The following FGF10 variants were observed in gnomAD, a reference collection of about 807,000 sequenced individuals.
The protein encoded by FGF10 is fibroblast growth factor 10, also known as FGF-10.
FGF10 carries 2 observed loss-of-function variants against 19.8 expected under a neutral mutation model. The ratio of observed to expected loss-of-function variants is 0.10; its 90% CI spans 0.04 to 0.32. FGF10 has a LOEUF of 0.32. FGF10 is among the 10% of genes least tolerant of loss of function. The pLI is 1.00. For missense variants in FGF10, 191 were observed against 246.3 expected, an observed-to-expected ratio of 0.78 and a Z score of 1.50; for synonymous variants, 112 against 94.0, an observed-to-expected ratio of 1.19 and a Z score of -1.10.
chr5:44,374,292 TA>T (rs1345054587), intron 1 of FGF10, among the ~76,000 whole-genome samples: 1 of 152,160 alleles, frequency 6.6e-6, no homozygotes, highest in African/African-American at 2.4e-5. Flanking sequence ...GTGATGGCAT[TA>T]AGGGCCTACC....
chr5:44,385,050 G>A (rs746986015), intron 1 of FGF10, among the ~76,000 whole-genome samples: 7 of 152,084 alleles, frequency 4.6e-5, no homozygotes, highest in Admixed American at 1.3e-4. Context: ...AACTAAAGCC[G>A]AGTGGTAAGG....
intron 1 of FGF10, among the ~76,000 whole-genome samples, chr5:44,369,736 A>T (rs991374169): frequency 6.6e-6 from 1 of 152,150 alleles, no homozygotes; most frequent in African/African-American, 2.4e-5. Context: ...AACAGGGAGC[A>T]TTTAAACTTA....
intron 1 of FGF10, among the ~76,000 whole-genome samples, chr5:44,334,881 A>G (rs983374): frequency 0.98 from 149,530 of 152,276 alleles, 73,487 homozygotes; most frequent in East Asian, 1. Flanking sequence ...ATGTTGGGAG[A>G]AAATCATGAG....
intron 1 of FGF10, among the ~76,000 whole-genome samples, chr5:44,348,128 A>G (rs1336325196): frequency 2.0e-5 from 3 of 151,684 alleles, no homozygotes; most frequent in Non-Finnish European, 4.4e-5. Context: ...TCTCTATACC[A>G]TGAATGAAGT....
intron 1 of FGF10, among the ~76,000 whole-genome samples, chr5:44,375,093 AGTAAGT>A (rs1741823881): frequency 6.6e-6 from 1 of 152,190 alleles, no homozygotes; most frequent in African/African-American, 2.4e-5. Flanking sequence ...TGAGAGTCTA[AGTAAGT>A]TGACCAAGAT....
intron 1 of FGF10, among the ~76,000 whole-genome samples, chr5:44,349,449 T>TATATATATATATATATATATATCAGA (rs1741176777): frequency 1.9e-4 from 3 of 15,786 alleles, no homozygotes; most frequent in Non-Finnish European, 3.1e-4. Context: ...TATATATATA[T>TATATATATATATATATATATATCAGA]ATATATATAT....
intron 1 of FGF10, among the ~76,000 whole-genome samples, chr5:44,369,204 C>T (rs1579937923): frequency 1.3e-5 from 2 of 152,074 alleles, no homozygotes; most frequent in East Asian, 3.9e-4. Context: ...AGGTCATCTA[C>T]AGGAACTGAA....
chr5:44,344,977 C>T (rs1741055489), intron 1 of FGF10, among the ~76,000 whole-genome samples: 1 of 151,640 alleles, frequency 6.6e-6, no homozygotes. Context: ...GCCTTGGGTG[C>T]CTAAAAAACT....
intron 1 of FGF10, among the ~76,000 whole-genome samples, chr5:44,368,661 G>A (rs1329045847): frequency 6.6e-6 from 1 of 151,890 alleles, no homozygotes; most frequent in Non-Finnish European, 1.5e-5. Flanking sequence ...GTATTGTGCT[G>A]TCAATTTTTT....
Position 44,312,288 on chromosome 5 carries a change from T to C in FGF10, c.326-1758A>G, listed in dbSNP as rs17234478. 1.8e-3 allele frequency among the ~76,000 whole-genome samples: 275 copies of C among 152,146 alleles called. 1 individual carries two copies. Among genetic ancestry groups the C allele is most frequent in the African/African-American group, 6.4e-3 (265 of 41,538 alleles). On this transcript the variant is annotated intron_variant, in intron 1 of 2. Coordinates refer to ENST00000264664, the MANE Select transcript of FGF10 (RefSeq NM_004465.2). ...AATAGCCCTCTAAGGATACTGTTGT[T>C]AGTCTCGATTACAAATATAAAAACG...
At chr5:44,323,323 T>A (rs1297209512) in intron 1 of FGF10, among the ~76,000 whole-genome samples, 1 of 152,198 alleles carries the variant, frequency 6.6e-6, no homozygotes, top group Admixed American at 6.5e-5. Flanking sequence ...TTAGAGAAAG[T>A]ACTTTCATAG....
chr5:44,308,843 G>A (rs941904899), intron 2 of FGF10, among the ~76,000 whole-genome samples: 1 of 152,096 alleles, frequency 6.6e-6, no homozygotes, highest in Non-Finnish European at 1.5e-5. Flanking sequence ...GCAGCATCAG[G>A]AACACCTGGG....
In FGF10 at chr5:44,300,966, T is replaced by C. The variant is rs558154232; in HGVS notation, c.*4029A>G. ...GTTTTGGAGTAGGAAAGAAGTAGAC[T>C]AGAAGCAATCTGGCCTAACCAAATA... On this transcript the variant is annotated 3_prime_UTR_variant, in exon 3 of 3. Coordinates refer to ENST00000264664, the MANE Select transcript of FGF10 (RefSeq NM_004465.2). Among the ~76,000 whole-genome samples the C allele has an allele frequency of 1.3e-5, 2 of 152,228 alleles. No homozygotes were observed. The highest frequency in any genetic ancestry group is 1.3e-4 in the Admixed American group (2 of 15,274).
chr5:44,307,879 T>C (rs559870243), intron 2 of FGF10, among the ~76,000 whole-genome samples: 6 of 152,318 alleles, frequency 3.9e-5, no homozygotes, highest in African/African-American at 1.4e-4. Context: ...AATGTTATGG[T>C]TAGAGAATGA....
chr5:44,318,830 T>C (rs764477551), intron 1 of FGF10, among the ~76,000 whole-genome samples: 2 of 152,174 alleles, frequency 1.3e-5, no homozygotes, highest in Admixed American at 1.3e-4. Context: ...TCTTCTATGT[T>C]CAATCAAAAC....
intron 1 of FGF10, among the ~76,000 whole-genome samples, chr5:44,347,999 ATG>A (rs1300522217): frequency 1.3e-5 from 2 of 151,728 alleles, no homozygotes; most frequent in African/African-American, 4.8e-5. Context: ...CCTCTGGAAT[ATG>A]TCTTTTCCTA....
chr5:44,364,832 A>T (rs1389056314), intron 1 of FGF10, among the ~76,000 whole-genome samples: 2 of 151,960 alleles, frequency 1.3e-5, no homozygotes, highest in African/African-American at 4.8e-5. Flanking sequence ...GGAAACCAAG[A>T]TAGAAATCTG....
chr5:44,345,826 G>C (rs760261339), intron 1 of FGF10, among the ~76,000 whole-genome samples: 9 of 151,420 alleles, frequency 5.9e-5, no homozygotes, highest in Non-Finnish European at 1.3e-4. Flanking sequence ...CATCCCTTTA[G>C]TACTTCTAAG....
chr5:44,385,084 TA>T, intron 1 of FGF10, among the ~76,000 whole-genome samples: 1 of 152,058 alleles, frequency 6.6e-6, no homozygotes, highest in Non-Finnish European at 1.5e-5. Flanking sequence ...GCTCTAGATG[TA>T]AAGAATGATA....
Sources: allele counts gnomAD v4.1 joint callset (sites outside exome capture counted in the v4.1 genomes callset), GRCh38; gene constraint gnomAD v4.1.1; transcripts MANE v1.5; gene names NCBI Gene and HGNC (gene_info 2026-07-23, HGNC 2026-07-21).